CNTNAP5: variants seen among roughly 807,000 people sequenced by gnomAD.
The protein encoded by CNTNAP5 is contactin-associated protein-like 5.
A neutral mutation model predicts 150.2 loss-of-function variants in CNTNAP5; 72 were observed. The ratio of observed to expected loss-of-function variants is 0.48; its 90% CI spans 0.40 to 0.58. The LOEUF (loss-of-function observed/expected upper bound fraction) is 0.58, where lower values mean the gene tolerates loss of function less well. CNTNAP5 is among the 20% of genes least tolerant of loss of function. CNTNAP5 has a pLI of 0.00. For synonymous variants in CNTNAP5, 672 were observed against 619.8 expected (o/e 1.08, Z -1.25); for missense variants, 1,636 against 1,626.2 (o/e 1.01, Z -0.10).
intron 13 of CNTNAP5, among the ~76,000 whole-genome samples, chr2:124,706,746 CAAGAAG>C (rs747166844): frequency 0.031 from 1,634 of 51,970 alleles, 60 homozygotes; most frequent in African/African-American, 0.052. Flanking sequence ...GACTCTGTTT[CAAGAAG>C]AAGAAGAAGA....
chr2:124,681,470 G>A (rs1679067867), intron 13 of CNTNAP5, among the ~76,000 whole-genome samples: 1 of 152,082 alleles, frequency 6.6e-6, no homozygotes, highest in Non-Finnish European at 1.5e-5. Context: ...TTCATGTAGT[G>A]ACCTTCCTGA....
At chr2:124,482,512 G>T (rs1007276678) in intron 7 of CNTNAP5, among the ~76,000 whole-genome samples, 20 of 152,018 alleles carry the variant, frequency 1.3e-4, no homozygotes, top group African/African-American at 4.8e-4. Flanking sequence ...TCAAAGTGAA[G>T]AAAAAAATAA....
intron 6 of CNTNAP5, among the ~76,000 whole-genome samples, chr2:124,472,028 T>C (rs537101637): frequency 6.6e-6 from 1 of 152,210 alleles, no homozygotes; most frequent in Non-Finnish European, 1.5e-5. Context: ...TTAGGAGCCA[T>C]TCATATGATA....
At chr2:124,056,468 CA>C (rs72157479) in intron 1 of CNTNAP5, among the ~76,000 whole-genome samples, 148,858 of 151,784 alleles carry the variant, frequency 0.98, 73,060 homozygotes, top group South Asian at 1. Context: ...ACTAAAAATA[CA>C]AAAAAAAAGA....
At chr2:124,670,645 TGTTGTTGTTGTTTGTA>T (rs1201975472) in intron 13 of CNTNAP5, among the ~76,000 whole-genome samples, 4 of 119,566 alleles carry the variant, frequency 3.3e-5, no homozygotes, top group Non-Finnish European at 6.9e-5. Context: ...GTGTTGCACT[TGTTGTTGTTGTTTGTA>T]CTTTTGATGT....
At chr2:124,687,509 C>T (rs1445673485) in intron 13 of CNTNAP5, among the ~76,000 whole-genome samples, 1 of 151,978 alleles carries the variant, frequency 6.6e-6, no homozygotes, top group East Asian at 1.9e-4. Flanking sequence ...TCATGGGTTT[C>T]CTTTTCACAC....
chr2:124,387,371 G>A (rs369893292), intron 3 of CNTNAP5, among the ~76,000 whole-genome samples: 12 of 152,222 alleles, frequency 7.9e-5, no homozygotes, highest in East Asian at 1.9e-4. Context: ...TTTCATGCGC[G>A]TCCATGTGAA....
At chr2:124,160,763 G>A (rs1257945320) in intron 1 of CNTNAP5, among the ~76,000 whole-genome samples, 1 of 152,084 alleles carries the variant, frequency 6.6e-6, no homozygotes, top group Non-Finnish European at 1.5e-5. Flanking sequence ...AGCAAACCCT[G>A]TGTTAAATTT....
intron 19 of CNTNAP5, among the ~76,000 whole-genome samples, chr2:124,864,942 A>G (rs1472241533): frequency 6.6e-6 from 1 of 152,160 alleles, no homozygotes. Context: ...TTAGGAAGAA[A>G]GAGAGTTATA....
intron 3 of CNTNAP5, among the ~76,000 whole-genome samples, chr2:124,416,120 T>C (rs1257562114): frequency 1.3e-5 from 2 of 152,166 alleles, no homozygotes; most frequent in Non-Finnish European, 2.9e-5. Flanking sequence ...AGACAATTGT[T>C]TCTCTTTGGT....
intron 3 of CNTNAP5, among the ~76,000 whole-genome samples, chr2:124,403,411 CTA>C (rs989704077): frequency 3.9e-5 from 6 of 152,134 alleles, no homozygotes; most frequent in African/African-American, 1.4e-4. Context: ...TTCATTTTCT[CTA>C]TTTTCTTGAT....
chr2:124,547,073 C>A (rs1232047605), intron 10 of CNTNAP5, among the ~76,000 whole-genome samples: 1 of 152,062 alleles, frequency 6.6e-6, no homozygotes, highest in East Asian at 1.9e-4. Context: ...CCCACTACCT[C>A]CCCCACCCCC....
At chr2:124,117,461 A>G (rs973224493) in intron 1 of CNTNAP5, among the ~76,000 whole-genome samples, 12 of 152,240 alleles carry the variant, frequency 7.9e-5, no homozygotes, top group Non-Finnish European at 1.6e-4. Flanking sequence ...ATAATTCATT[A>G]TCTCAATTTA....
At chr2:124,119,543 G>A (rs1243527996) in intron 1 of CNTNAP5, among the ~76,000 whole-genome samples, 1 of 152,090 alleles carries the variant, frequency 6.6e-6, no homozygotes, top group Non-Finnish European at 1.5e-5. Flanking sequence ...CTGACCGATA[G>A]TAATTTTTGA....
At chr2:124,591,133 A>T (rs1696670286) in intron 11 of CNTNAP5, among the ~76,000 whole-genome samples, 1 of 152,160 alleles carries the variant, frequency 6.6e-6, no homozygotes, top group African/African-American at 2.4e-5. Context: ...CTTTCTGAGT[A>T]CCCCTAATAC....
At chr2:124,174,924 AC>A (rs1685024406) in intron 1 of CNTNAP5, among the ~76,000 whole-genome samples, 1 of 152,198 alleles carries the variant, frequency 6.6e-6, no homozygotes, top group Non-Finnish European at 1.5e-5. Context: ...GCAGCCAACA[AC>A]ACTGAGGCAA....
chr2:124,453,691 C>A (rs1018818679), intron 6 of CNTNAP5, among the ~76,000 whole-genome samples: 2 of 152,100 alleles, frequency 1.3e-5, no homozygotes, highest in African/African-American at 2.4e-5. Context: ...TTTCTCAGCA[C>A]AAATCCTACA....
At chr2:124,137,796 C>A (rs902012348) in intron 1 of CNTNAP5, among the ~76,000 whole-genome samples, 1 of 151,702 alleles carries the variant, frequency 6.6e-6, no homozygotes, top group African/African-American at 2.4e-5. Flanking sequence ...AGTCGGTGGT[C>A]GCTGTGGAGA....
chr2:124,469,557 T>C (rs958804027), intron 6 of CNTNAP5, among the ~76,000 whole-genome samples: 1 of 152,112 alleles, frequency 6.6e-6, no homozygotes, highest in Admixed American at 6.6e-5. Flanking sequence ...ATAGATCTTT[T>C]CTTTTTTTTT....
Sources: gnomAD v4.1 joint callset for allele counts (sites outside exome capture counted in the v4.1 genomes callset) on GRCh38, gnomAD v4.1.1 for gene constraint, MANE v1.5 for transcripts, NCBI Gene and HGNC (gene_info 2026-07-23, HGNC 2026-07-21) for gene names.